UGT1A7: variants seen among roughly 807,000 people sequenced by gnomAD.
The protein encoded by UGT1A7 is UDP glucuronosyltransferase family 1 member A7.
A neutral mutation model predicts 45.6 loss-of-function variants in UGT1A7; 33 were observed. That is an observed-to-expected ratio of 0.72 (90% CI 0.55 to 0.97). The LOEUF (loss-of-function observed/expected upper bound fraction) is 0.97, where lower values mean the gene tolerates loss of function less well. Among genes scored for constraint, UGT1A7 ranks in the 50% least tolerant of loss-of-function variants. UGT1A7 has a pLI of 0.00. For synonymous variants in UGT1A7, 274 were observed against 250.6 expected (o/e 1.09, Z -0.88); for missense variants, 684 against 666.2 (o/e 1.03, Z -0.29).
chr2:233,729,868 A>G lies in UGT1A7; in HGVS notation c.856-37166A>G, dbSNP rs754430297. ...TCAGAGAGAGGTGTCAGTGGTGGAT[A>G]TTCTCAGTCATGCATCTGTGTGGCT... On this transcript the variant is annotated intron_variant, in intron 1 of 4. Transcript: ENST00000373426. 6.2e-7 allele frequency: 1 copy of G among 1,613,720 alleles called. No homozygotes were observed. Among genetic ancestry groups the G allele is most frequent in the Non-Finnish European group, 8.5e-7 (1 of 1,179,808 alleles).
Position 233,768,375 on chromosome 2 carries a change from A to C in UGT1A7, c.1231A>C (p.Asn411His). The change falls in exon 4 of 5, where the codon AAT becomes CAT. Residue 411 changes from asparagine to histidine, a missense_variant. Transcript: ENST00000373426. ...GACTAAGGGAGCTGGAGTGACCCTG[A>C]ATGTTCTGGAAATGACTTCTGAAGA... ...METKGAGVTL[N>H]VLEMTSEDLE... 1 of 1,614,190 alleles carries C rather than the reference A, an allele frequency of 6.2e-7. No individual in the cohort carries two copies. Among genetic ancestry groups the C allele is most frequent in the African/African-American group, 1.3e-5 (1 of 75,044 alleles).
chr2:233,749,114 A>G (rs113228961), intron 1 of UGT1A7, among the ~76,000 whole-genome samples: 3 of 151,858 alleles, frequency 2.0e-5, no homozygotes, highest in African/African-American at 7.3e-5. Flanking sequence ...CAGCCTTTTT[A>G]TGTCATATTC....
At chr2:233,695,346 A>G (rs1429075001) in intron 1 of UGT1A7, among the ~76,000 whole-genome samples, 2 of 151,402 alleles carry the variant, frequency 1.3e-5, no homozygotes, top group African/African-American at 4.8e-5. Context: ...GGATGGTCTC[A>G]ATCTCTTGAC....
intron 1 of UGT1A7, chr2:233,729,232 A>G: frequency 6.2e-7 from 1 of 1,614,202 alleles, no homozygotes. Flanking sequence ...GGTGGTGCCC[A>G]TTGATGGCAG....
chr2:233,734,036 A>G (rs1235015147), intron 1 of UGT1A7, among the ~76,000 whole-genome samples: 1 of 152,130 alleles, frequency 6.6e-6, no homozygotes. Context: ...CAGCACACCA[A>G]CATGGCACAT....
rs568773315 is a variant in UGT1A7 at position 233,683,108 on chromosome 2, C to T, written c.855+316C>T. Among the ~76,000 whole-genome samples, 110 of 152,126 alleles carry T rather than the reference C, an allele frequency of 7.2e-4. 1 individual carries two copies. The highest frequency in any genetic ancestry group is 2.3e-3 in the African/African-American group (97 of 41,512). On this transcript the variant is annotated intron_variant, in intron 1 of 4. Coordinates refer to ENST00000373426, the MANE Select transcript of UGT1A7 (RefSeq NM_019077.3). ...CTTTTTTTGCTAATTCTACACTACC[C>T]CCAGAGGAAAATATTCTTAGCAGTT... is the stretch of plus-strand genomic sequence containing the variant.
chr2:233,726,424 A>G (rs540459966), intron 1 of UGT1A7, among the ~76,000 whole-genome samples: 1 of 151,962 alleles, frequency 6.6e-6, no homozygotes, highest in East Asian at 1.9e-4. Flanking sequence ...GATTCTGTCC[A>G]CTCTTAATCT....
intron 1 of UGT1A7, among the ~76,000 whole-genome samples, chr2:233,726,630 ATC>A (rs1038498407): frequency 3.9e-5 from 6 of 152,270 alleles, no homozygotes; most frequent in African/African-American, 1.2e-4. Context: ...ACCCAGGACA[ATC>A]TCCCCATCTT....
intron 1 of UGT1A7, among the ~76,000 whole-genome samples, chr2:233,744,422 T>C (rs2125863019): frequency 6.6e-6 from 1 of 151,974 alleles, no homozygotes; most frequent in Non-Finnish European, 1.5e-5. Flanking sequence ...TTCATGTGGA[T>C]TATATCTATC....
intron 1 of UGT1A7, among the ~76,000 whole-genome samples, chr2:233,747,034 C>T (rs1693545520): frequency 6.6e-6 from 1 of 151,808 alleles, no homozygotes; most frequent in Non-Finnish European, 1.5e-5. Context: ...CGAAGTGGGA[C>T]CCATAATGAA....
At chr2:233,737,391 C>A (rs1208787903) in intron 1 of UGT1A7, among the ~76,000 whole-genome samples, 1 of 152,188 alleles carries the variant, frequency 6.6e-6, no homozygotes, top group Non-Finnish European at 1.5e-5. Context: ...TCCTTGTCTG[C>A]CAGTTTATAA....
intron 1 of UGT1A7, among the ~76,000 whole-genome samples, chr2:233,752,750 C>CAA (rs1695052572): frequency 6.6e-6 from 1 of 151,980 alleles, no homozygotes; most frequent in Non-Finnish European, 1.5e-5. Context: ...GTCTCTAAAA[C>CAA]AAACAAACAA....
At chr2:233,724,345 C>CCT in intron 1 of UGT1A7, among the ~76,000 whole-genome samples, 1 of 147,952 alleles carries the variant, frequency 6.8e-6, no homozygotes, top group African/African-American at 2.5e-5. Flanking sequence ...GGCTGACCCC[C>CCT]CCCACCTCCC....
chr2:233,682,445 A>G lies in UGT1A7; in HGVS notation c.508A>G (p.Arg170Gly), dbSNP rs2074579608. ...CTCCCTCCCCTCTGTGGTCTTCGCC[A>G]GGGGAATATTTTGCCACTATCTTGA... Reference protein sequence around the residue: ...YFSLPSVVFARGIFCHYLEEG... With the variant: ...YFSLPSVVFAGGIFCHYLEEG... The change falls in exon 1 of 5, where the codon AGG becomes GGG. Residue 170 changes from arginine to glycine, a missense_variant. By Grantham distance (125) the Arg-to-Gly change is moderately radical. Transcript: ENST00000373426. 1.2e-6 allele frequency: 2 copies of G among 1,613,894 alleles called. No individual in the cohort carries two copies. The highest frequency in any genetic ancestry group is 1.7e-6 in the Non-Finnish European group (2 of 1,179,852).
chr2:233,756,393 A>G (rs1203467562), intron 1 of UGT1A7: 1 of 152,036 alleles, frequency 6.6e-6, no homozygotes, highest in Non-Finnish European at 1.5e-5. Flanking sequence ...GTTTTACAGT[A>G]TTGGTTTTTT....
At chr2:233,730,184 G>T (rs1575587766) in intron 1 of UGT1A7, among the ~76,000 whole-genome samples, 1 of 152,132 alleles carries the variant, frequency 6.6e-6, no homozygotes, top group South Asian at 2.1e-4. Context: ...GTTTTAAATG[G>T]TCACTGAGAG....
intron 1 of UGT1A7, chr2:233,718,733 C>T: frequency 6.2e-6 from 10 of 1,611,470 alleles, no homozygotes; most frequent in Non-Finnish European, 8.5e-6. Flanking sequence ...TGCTAGGTGG[C>T]TCAATGACAA....
At chr2:233,721,300 TA>T in intron 1 of UGT1A7, among the ~76,000 whole-genome samples, 1 of 152,206 alleles carries the variant, frequency 6.6e-6, no homozygotes, top group Non-Finnish European at 1.5e-5. Flanking sequence ...GGCATTTGAA[TA>T]GTGATTGTGG....
At chr2:233,729,866 A>C (rs1305518931) in intron 1 of UGT1A7, 8 of 1,613,728 alleles carry the variant, frequency 5.0e-6, no homozygotes, top group Non-Finnish European at 5.9e-6. Flanking sequence ...TCAGTGGTGG[A>C]TATTCTCAGT....
Sources: gnomAD v4.1 joint callset for allele counts (sites outside exome capture counted in the v4.1 genomes callset) on GRCh38, gnomAD v4.1.1 for gene constraint, MANE v1.5 for transcripts, NCBI Gene and HGNC (gene_info 2026-07-23, HGNC 2026-07-21) for gene names.